The following VWC2 variants were observed in gnomAD, a reference collection of about 807,000 sequenced individuals.
VWC2 encodes von Willebrand factor C domain containing 2.
A neutral mutation model predicts 29.8 loss-of-function variants in VWC2; 14 were observed. The observed-to-expected ratio is 0.47, with a 90% CI of 0.31 to 0.74. The LOEUF is 0.74. Ranked by LOEUF, VWC2 falls within the 30% of genes least tolerant of loss-of-function variation. The pLI, the probability that VWC2 is intolerant of heterozygous loss-of-function variation, is 0.05. For missense variants in VWC2, 457 were observed against 459.8 expected, an observed-to-expected ratio of 0.99 and a Z score of 0.05; for synonymous variants, 213 against 199.0, an observed-to-expected ratio of 1.07 and a Z score of -0.59.
intron 2 of VWC2, among the ~76,000 whole-genome samples, chr7:49,794,009 C>G (rs1788524044): frequency 6.6e-6 from 1 of 152,184 alleles, no homozygotes; most frequent in Non-Finnish European, 1.5e-5. Flanking sequence ...CTAGCCAACA[C>G]CAAAGAGCTA....
At chr7:49,860,838 G>A (rs146569828) in intron 3 of VWC2, among the ~76,000 whole-genome samples, 1 of 152,330 alleles carries the variant, frequency 6.6e-6, no homozygotes, top group East Asian at 1.9e-4. Context: ...TGTGCACAGA[G>A]AAAAGGCCAT....
intron 3 of VWC2, among the ~76,000 whole-genome samples, chr7:49,891,535 T>C (rs1345780807): frequency 6.6e-6 from 1 of 151,910 alleles, no homozygotes; most frequent in Non-Finnish European, 1.5e-5. Context: ...ATCCAAACAA[T>C]CAGTCATCAA....
intron 3 of VWC2, among the ~76,000 whole-genome samples, chr7:49,878,748 G>C (rs1411009908): frequency 6.6e-6 from 1 of 152,076 alleles, no homozygotes; most frequent in African/African-American, 2.4e-5. Context: ...CTCCTGTACT[G>C]CTGATATTTT....
At chr7:49,874,010 G>A (rs1245645012) in intron 3 of VWC2, among the ~76,000 whole-genome samples, 1 of 152,040 alleles carries the variant, frequency 6.6e-6, no homozygotes, top group East Asian at 1.9e-4. Context: ...TGGAGTGTGT[G>A]TGTGTGTGTT....
At chr7:49,774,871 TGAGG>T (rs1207582080) in intron 1 of VWC2, among the ~76,000 whole-genome samples, 1 of 152,116 alleles carries the variant, frequency 6.6e-6, no homozygotes, top group Non-Finnish European at 1.5e-5. Context: ...CTAAAGCAAA[TGAGG>T]AAGAGTTTCC....
At chr7:49,799,902 A>G (rs1788697011) in intron 2 of VWC2, among the ~76,000 whole-genome samples, 1 of 152,242 alleles carries the variant, frequency 6.6e-6, no homozygotes, top group African/African-American at 2.4e-5. Flanking sequence ...CAGTTATAAC[A>G]CATGGTATTT....
At chr7:49,814,093 C>A (rs1052323861) in intron 3 of VWC2, among the ~76,000 whole-genome samples, 1 of 152,198 alleles carries the variant, frequency 6.6e-6, no homozygotes, top group African/African-American at 2.4e-5. Context: ...TTATTTTACA[C>A]GTGTCTTCTG....
intron 2 of VWC2, among the ~76,000 whole-genome samples, 162 bp from the exon 3 acceptor site, chr7:49,802,549 A>C (rs1583637522): frequency 6.6e-6 from 1 of 152,342 alleles, no homozygotes; most frequent in East Asian, 1.9e-4. Context: ...GAGGCAGCAG[A>C]ATCGCTTGAA....
At chr7:49,890,770 A>C (rs1792095057) in intron 3 of VWC2, among the ~76,000 whole-genome samples, 1 of 152,088 alleles carries the variant, frequency 6.6e-6, no homozygotes, top group Non-Finnish European at 1.5e-5. Flanking sequence ...GAGAGAACAA[A>C]GGACTTGAAG....
chr7:49,801,330 C>A (rs779185324), intron 2 of VWC2, among the ~76,000 whole-genome samples: 2 of 152,206 alleles, frequency 1.3e-5, no homozygotes, highest in African/African-American at 4.8e-5. Context: ...CAGCTTGATA[C>A]GACCCATTTC....
At position 49,912,136 on chromosome 7, in the gene VWC2, G is replaced by T. The variant is rs1270651099; in HGVS notation, c.929G>T (p.Arg310Ile). The T allele has an allele frequency of 6.2e-7, 1 of 1,614,032 alleles. No homozygotes were observed. Among genetic ancestry groups the T allele is most frequent in the Non-Finnish European group, 8.5e-7 (1 of 1,180,018 alleles). ...CHCTYEEGTWRIERQAMCTRH... is the reference protein window; with the variant it reads ...CHCTYEEGTWIIERQAMCTRH... ...TGTACTTATGAGGAAGGCACATGGA[G>T]AATCGAGCGGCAGGCCATGTGCACG... is the stretch of plus-strand genomic sequence containing the variant. Residue 310 changes from arginine to isoleucine, a missense_variant, in exon 4 of 4, where the codon AGA becomes ATA. Arg to Ile is a moderately conservative substitution (Grantham distance 97). Around this residue, in one of 2 missense-constraint regions of VWC2, gnomAD observed 185 missense variants for 257.1 expected, o/e 0.72. Coordinates refer to ENST00000340652, the MANE Select transcript of VWC2 (RefSeq NM_198570.5).
intron 3 of VWC2, among the ~76,000 whole-genome samples, chr7:49,899,135 G>C (rs1308918731): frequency 6.6e-6 from 1 of 151,922 alleles, no homozygotes; most frequent in Non-Finnish European, 1.5e-5. Context: ...TATCCACAAA[G>C]GATATGTTCT....
chr7:49,791,968 C>G (rs183051093), intron 2 of VWC2, among the ~76,000 whole-genome samples: 40 of 152,284 alleles, frequency 2.6e-4, no homozygotes, highest in African/African-American at 9.6e-4. Flanking sequence ...CTCTAGAAAA[C>G]CAAGGCTTAG....
chr7:49,896,900 T>A (rs980086806), intron 3 of VWC2, among the ~76,000 whole-genome samples: 40 of 146,212 alleles, frequency 2.7e-4, no homozygotes, highest in Non-Finnish European at 4.8e-4. Context: ...TTTTTTTTTT[T>A]TTTTTTGAGA....
At chr7:49,841,410 G>T (rs1385152044) in intron 3 of VWC2, among the ~76,000 whole-genome samples, 1 of 152,072 alleles carries the variant, frequency 6.6e-6, no homozygotes, top group African/African-American at 2.4e-5. Context: ...ATTTCATAGT[G>T]GAGGAATTAA....
At chr7:49,832,097 T>G (rs577609559) in intron 3 of VWC2, among the ~76,000 whole-genome samples, 1 of 152,296 alleles carries the variant, frequency 6.6e-6, no homozygotes, top group South Asian at 2.1e-4. Flanking sequence ...GCAGTTCAGC[T>G]AATTATTTAT....
rs1320265456 is a variant in VWC2 at position 49,920,856 on chromosome 7, A to G, written c.*8671A>G. On this transcript the variant is annotated 3_prime_UTR_variant, in exon 4 of 4. Coordinates refer to ENST00000340652, the MANE Select transcript of VWC2 (RefSeq NM_198570.5). ...CTTTACAAGGTACCTGATGAATGTA[A>G]AATTATAGCTTTTTGTCTTCATTTC... 6.6e-6 allele frequency: 1 copy of G among 152,286 alleles called. No individual in the cohort carries two copies. Among genetic ancestry groups the G allele is most frequent in the Non-Finnish European group, 1.5e-5 (1 of 68,014 alleles). 9.4% of individuals were successfully genotyped at this position (152,286 alleles called of 1,614,324 possible).
At chr7:49,818,845 CAT>C (rs1410586059) in intron 3 of VWC2, among the ~76,000 whole-genome samples, 1 of 144,346 alleles carries the variant, frequency 6.9e-6, no homozygotes, top group East Asian at 2.0e-4. Context: ...CAATATATAT[CAT>C]ATATATTCAA....
intron 3 of VWC2, among the ~76,000 whole-genome samples, chr7:49,909,974 T>C (rs1156298663): frequency 6.6e-6 from 1 of 151,416 alleles, no homozygotes; most frequent in East Asian, 1.9e-4. Context: ...TCAGGTGTGG[T>C]GGTGTGCTCC....
Sources: allele counts gnomAD v4.1 joint callset (sites outside exome capture counted in the v4.1 genomes callset), GRCh38; gene constraint gnomAD v4.1.1; regional missense constraint gnomAD v4.1.1; transcripts MANE v1.5; gene names NCBI Gene and HGNC (gene_info 2026-07-23, HGNC 2026-07-21).